Variants in MARCO observed in about 807,000 individuals in gnomAD.
MARCO encodes the protein macrophage receptor with collagenous structure.
In MARCO, 72 loss-of-function variants were observed where a neutral mutation model predicts 70.0. That is an observed-to-expected ratio of 1.03 (90% CI 0.85 to 1.25). MARCO has a LOEUF of 1.25. Among genes scored for constraint, MARCO ranks in the 50% most tolerant of loss-of-function variants. The pLI is 0.00. For synonymous variants in MARCO, 273 were observed against 243.1 expected (o/e 1.12, Z -1.14); for missense variants, 696 against 659.3 (o/e 1.06, Z -0.61).
Position 118,986,683 on chromosome 2 carries a change from A to AAG in MARCO, c.1064-3904_1064-3903dup, listed in dbSNP as rs1351740420. Among the ~76,000 whole-genome samples, 3 of 62,024 alleles carry AAG rather than the reference A, an allele frequency of 4.8e-5. 1 individual carries two copies. The highest frequency in any genetic ancestry group is 1.9e-4 in the African/African-American group (3 of 16,118). 40.7% of individuals were successfully genotyped at this position (62,024 alleles called of 152,430 possible). A position where few individuals can be genotyped will look rare whatever the true frequency, so the allele number is the denominator to read the frequency against. ...AAGGAAGGAAGGAAGGAAAGAAAGA[A>AAG]AGAAAGAAAGAAAGAAAGAAAGAAA... is the stretch of plus-strand genomic sequence containing the variant. On this transcript the variant is annotated intron_variant, in intron 12 of 16. Coordinates refer to ENST00000327097, the MANE Select transcript of MARCO (RefSeq NM_006770.4).
At chr2:118,954,052 G>A (rs55912638) in intron 1 of MARCO, among the ~76,000 whole-genome samples, 3 of 152,106 alleles carry the variant, frequency 2.0e-5, no homozygotes, top group African/African-American at 7.2e-5. Context: ...TTTGAACAGG[G>A]TGAGAAGCCT....
chr2:118,989,825 T>C (rs1187768517), intron 12 of MARCO, among the ~76,000 whole-genome samples: 1 of 152,226 alleles, frequency 6.6e-6, no homozygotes, highest in East Asian at 1.9e-4. Flanking sequence ...GTAACTGCCT[T>C]GAGGAGTCCT....
At chr2:118,955,658 A>T (rs1679821345) in intron 1 of MARCO, among the ~76,000 whole-genome samples, 1 of 152,236 alleles carries the variant, frequency 6.6e-6, no homozygotes, top group African/African-American at 2.4e-5. Context: ...TCATCAGGTT[A>T]TCTAAAGTTA....
rs1305700564 is a variant in MARCO, at chr2:118,974,521, G to A, written c.569G>A (p.Gly190Asp). Reference protein sequence around the residue: ...KGAMGRDGATGPSGPQGPPGV... With the variant: ...KGAMGRDGATDPSGPQGPPGV... ...ACTCTGAATTCCCTTTCCCTTCCAG[G>A]CCCCTCGGGACCCCAAGGCCCACCG... is the stretch of plus-strand genomic sequence containing the variant. Residue 190 changes from glycine (G) to aspartate (D), a missense_variant and splice_region_variant, in exon 6 of 17, where the codon GGC becomes GAC. Around this residue, in one of 3 missense-constraint regions of MARCO, gnomAD observed 605 missense variants for 537.6 expected, o/e 1.13. Coordinates refer to ENST00000327097, the MANE Select transcript of MARCO (RefSeq NM_006770.4). The A allele has an allele frequency of 6.2e-7, 1 of 1,613,762 alleles. No individual in the cohort carries two copies. The highest frequency in any genetic ancestry group is 1.3e-5 in the African/African-American group (1 of 74,884).
intron 2 of MARCO, 23 bp downstream of exon 2, chr2:118,969,284 T>G: frequency 5.0e-6 from 8 of 1,599,418 alleles, no homozygotes; most frequent in Non-Finnish European, 6.9e-6. Flanking sequence ...TGGTCCTGTG[T>G]AGTCCCTCCT....
At chr2:118,949,014 C>T (rs1366299836) in intron 1 of MARCO, among the ~76,000 whole-genome samples, 1 of 152,178 alleles carries the variant, frequency 6.6e-6, no homozygotes, top group Non-Finnish European at 1.5e-5. Flanking sequence ...TCACTGCATC[C>T]TGTTAAGTCT....
At chr2:118,969,359 G>A (rs763045437) in intron 2 of MARCO, 98 bp downstream of exon 2, 319 of 851,850 alleles carry the variant, frequency 3.7e-4, no homozygotes, top group Non-Finnish European at 5.7e-4. Context: ...GGAGAGCCTC[G>A]GGCCACTGCT....
rs866991834 is a variant in MARCO, at chr2:118,986,648, A to G, written c.1064-3941A>G. On this transcript the variant is annotated intron_variant, in intron 12 of 16. Coordinates refer to ENST00000327097, the MANE Select transcript of MARCO (RefSeq NM_006770.4). Reference sequence around the variant, plus strand: ...AAGAAAGAAAGAAAGAAAGAAAGAAAGAAAGAAGGAAGGAAGGAAGGAAGG... The same window carrying G: ...AAGAAAGAAAGAAAGAAAGAAAGAAGGAAAGAAGGAAGGAAGGAAGGAAGG... Among the ~76,000 whole-genome samples the G allele has an allele frequency of 5.2e-3, 203 of 39,202 alleles. 2 individuals carry two copies. Among genetic ancestry groups the G allele is most frequent in the African/African-American group, 0.017 (91 of 5,446 alleles). 25.7% of individuals were successfully genotyped at this position (39,202 alleles called of 152,430 possible).
At chr2:118,951,737 C>T (rs998669063) in intron 1 of MARCO, among the ~76,000 whole-genome samples, 1 of 152,216 alleles carries the variant, frequency 6.6e-6, no homozygotes, top group Middle Eastern at 3.2e-3. Context: ...TAAATTTACC[C>T]TGGCTTTTAA....
intron 12 of MARCO, among the ~76,000 whole-genome samples, chr2:118,986,479 C>T (rs890386205): frequency 1.4e-5 from 2 of 147,952 alleles, no homozygotes; most frequent in Admixed American, 6.8e-5. Flanking sequence ...ATGATTGCAC[C>T]ACTGCACTCC....
At chr2:118,961,911 G>T (rs1679955348) in intron 1 of MARCO, among the ~76,000 whole-genome samples, 1 of 152,214 alleles carries the variant, frequency 6.6e-6, no homozygotes, top group Non-Finnish European at 1.5e-5. Context: ...TGTAAGAAAG[G>T]GATCCAGTTT....
chr2:118,977,585 C>T (rs1680309462), intron 7 of MARCO, 70 bp downstream of exon 7: 14 of 1,383,164 alleles, frequency 1.0e-5, no homozygotes, highest in Non-Finnish European at 1.4e-5. Flanking sequence ...TCCCCCCCAC[C>T]CCCCATCCTC....
chr2:118,953,571 C>T (rs536797711), intron 1 of MARCO, among the ~76,000 whole-genome samples: 3 of 152,174 alleles, frequency 2.0e-5, no homozygotes, highest in South Asian at 2.1e-4. Flanking sequence ...GGATGAGAGG[C>T]GGGACTAGAT....
intron 12 of MARCO, among the ~76,000 whole-genome samples, chr2:118,988,459 T>C (rs1680557153): frequency 6.6e-6 from 1 of 151,950 alleles, no homozygotes; most frequent in Non-Finnish European, 1.5e-5. Context: ...AATCTATATG[T>C]CTATGATGGT....
rs1680024814 is a variant in MARCO, at chr2:118,965,314, C to T, written c.98-3846C>T. 2.0e-5 allele frequency among the ~76,000 whole-genome samples: 3 copies of T among 152,122 alleles called. No homozygotes were observed. The South Asian group carries it at 6.2e-4, about 31-fold the overall frequency. The stretch of plus-strand genomic sequence containing the variant: ...CTATCATCGAGTTAACTGATTCTTT[C>T]CTCTGTCACATCTATTACACTATTC... On this transcript the variant is annotated intron_variant, in intron 1 of 16. Transcript: ENST00000327097.
chr2:118,990,683 C>T, intron 13 of MARCO, 50 bp downstream of exon 13: 1 of 1,577,478 alleles, frequency 6.3e-7, no homozygotes, highest in South Asian at 1.1e-5. Context: ...CGGGGAAGGC[C>T]TGCCTTCTCA....
In MARCO at chr2:118,991,860, G is replaced by A. The variant is rs1419727040; in HGVS notation, c.1192G>A (p.Asp398Asn). Residue 398 changes from aspartate (D) to asparagine (N), a missense_variant, in exon 14 of 17, where the codon GAC becomes AAC. By Grantham distance (23) the Asp-to-Asn change is conservative (BLOSUM62 1). This residue lies in a region of MARCO where 605 missense variants were observed against 537.6 expected (regional missense o/e 1.13). Coordinates refer to ENST00000327097, the MANE Select transcript of MARCO (RefSeq NM_006770.4). ...GAPGQAGQKG[D>N]QGVKGSSGEQ... Reference sequence around the variant, plus strand: ...CCCTGGACAAGCTGGCCAGAAGGGAGACCAGGGAGTGAAAGGTAAGGCCTC... The same window carrying A: ...CCCTGGACAAGCTGGCCAGAAGGGAAACCAGGGAGTGAAAGGTAAGGCCTC... The A allele has an allele frequency of 1.3e-6, 2 of 1,597,458 alleles. No homozygotes were observed. Among genetic ancestry groups the A allele is most frequent in the East Asian group, 2.3e-5 (1 of 44,396 alleles).
In MARCO at chr2:118,961,749, T is replaced by C. The variant is rs562665873; in HGVS notation, c.98-7411T>C. ...TAGATCCCATTTGTCAATTTTTGCTTTTGTTGCAGTTGCTTTTGGCAATTT... is the reference window on the plus strand; with the variant it reads ...TAGATCCCATTTGTCAATTTTTGCTCTTGTTGCAGTTGCTTTTGGCAATTT... On this transcript the variant is annotated intron_variant, in intron 1 of 16. Transcript: ENST00000327097. 3.3e-4 allele frequency among the ~76,000 whole-genome samples: 50 copies of C among 152,328 alleles called. 2 individuals carry two copies. The highest frequency in any genetic ancestry group is 3.3e-3 in the Admixed American group (50 of 15,296).
rs547610132 is a variant in MARCO, at chr2:118,964,385, G to C, written c.98-4775G>C. ...CTTTCTGTTAGGGGAACCTCCTCTAGTCATTCTTTAAAGTTAGTTCTGCCA... is the reference window on the plus strand; with the variant it reads ...CTTTCTGTTAGGGGAACCTCCTCTACTCATTCTTTAAAGTTAGTTCTGCCA... On this transcript the variant is annotated intron_variant, in intron 1 of 16. Coordinates refer to ENST00000327097, the MANE Select transcript of MARCO (RefSeq NM_006770.4). 3.2e-4 allele frequency among the ~76,000 whole-genome samples: 49 copies of C among 152,192 alleles called. 1 individual carries two copies. Among genetic ancestry groups the C allele is most frequent in the African/African-American group, 1.1e-3 (44 of 41,532 alleles).
Sources: allele counts gnomAD v4.1 joint callset (sites outside exome capture counted in the v4.1 genomes callset), GRCh38; gene constraint gnomAD v4.1.1; regional missense constraint gnomAD v4.1.1; transcripts MANE v1.5; gene names NCBI Gene and HGNC (gene_info 2026-07-23, HGNC 2026-07-21).